LDLRAD3: variants seen among roughly 807,000 people sequenced by gnomAD.
LDLRAD3 encodes low density lipoprotein receptor class A domain containing 3.
Under a neutral mutation model 29.4 loss-of-function variants are expected in LDLRAD3, and 20 were observed. The ratio of observed to expected loss-of-function variants is 0.68; its 90% confidence interval spans 0.48 to 0.99. The LOEUF (loss-of-function observed/expected upper bound fraction) is 0.99, where lower values mean the gene tolerates loss of function less well. LDLRAD3 is among the 50% of genes least tolerant of loss of function. The probability of loss-of-function intolerance (pLI) is 0.00; values close to 1 mark genes in which losing one functional copy is unlikely to be tolerated. For missense variants in LDLRAD3, 420 were observed against 454.3 expected, an observed-to-expected ratio of 0.92 and a Z score of 0.69; for synonymous variants, 157 against 192.7, an observed-to-expected ratio of 0.81 and a Z score of 1.53.
At chr11:35,955,924 C>T (rs1328290131) in intron 1 of LDLRAD3, among the ~76,000 whole-genome samples, 1 of 152,174 alleles carries the variant, frequency 6.6e-6, no homozygotes, top group South Asian at 2.1e-4. Context: ...AGGGGCCTTT[C>T]CTACACACCT....
chr11:35,976,301 T>G (rs1454979721), intron 1 of LDLRAD3, among the ~76,000 whole-genome samples: 3 of 151,986 alleles, frequency 2.0e-5, no homozygotes, highest in Non-Finnish European at 2.9e-5. Context: ...ACAGGCATAG[T>G]TGTAGGGATT....
intron 1 of LDLRAD3, among the ~76,000 whole-genome samples, chr11:35,957,218 G>A (rs1440346931): frequency 1.3e-5 from 2 of 152,136 alleles, no homozygotes; most frequent in East Asian, 3.8e-4. Flanking sequence ...GATCATACGT[G>A]GAATATAATT....
intron 4 of LDLRAD3, among the ~76,000 whole-genome samples, chr11:36,123,598 A>C (rs1219218095): frequency 3.3e-5 from 5 of 152,274 alleles, no homozygotes; most frequent in African/African-American, 4.8e-5. Flanking sequence ...GAGAGGCTGC[A>C]AGGTGGCATG....
At chr11:36,056,057 A>G (rs1242501522) in intron 2 of LDLRAD3, among the ~76,000 whole-genome samples, 1 of 134,376 alleles carries the variant, frequency 7.4e-6, no homozygotes, top group Non-Finnish European at 1.5e-5. Flanking sequence ...GTGCAGTGGC[A>G]TGATCTCAGC....
chr11:35,950,288 G>A (rs981240320), intron 1 of LDLRAD3, among the ~76,000 whole-genome samples: 6 of 152,296 alleles, frequency 3.9e-5, no homozygotes, highest in African/African-American at 9.6e-5. Context: ...TGGGTACTGC[G>A]TCTTCAGGGA....
At position 36,021,500 on chromosome 11, in the gene LDLRAD3, A is replaced by G. The variant is rs112868901; in HGVS notation, c.47-14603A>G. ...GATCCAAAGCAGCAGAATTGTGCCT[A>G]AGGAAGAGATGGAAAATTAACGTTT... On this transcript the variant is annotated intron_variant, in intron 1 of 5. Transcript: ENST00000315571. Among the ~76,000 whole-genome samples, 160 of 152,332 alleles carry G rather than the reference A, an allele frequency of 1.1e-3. 1 individual carries two copies. The highest frequency in any genetic ancestry group is 3.5e-3 in the African/African-American group (147 of 41,574).
intron 1 of LDLRAD3, among the ~76,000 whole-genome samples, chr11:35,975,207 T>C (rs983517984): frequency 1.7e-4 from 26 of 152,206 alleles, no homozygotes; most frequent in Admixed American, 6.5e-5. Context: ...CCTGTTTCCA[T>C]ACATTTGGCC....
chr11:36,165,644 G>GTTCC, intron 4 of LDLRAD3, among the ~76,000 whole-genome samples: 1 of 152,044 alleles, frequency 6.6e-6, no homozygotes, highest in East Asian at 1.9e-4. Flanking sequence ...GTCCTGCTGT[G>GTTCC]TTTTGCATAG....
At chr11:36,109,730 A>G (rs145907063) in intron 4 of LDLRAD3, among the ~76,000 whole-genome samples, 1 of 147,452 alleles carries the variant, frequency 6.8e-6, no homozygotes, top group African/African-American at 2.5e-5. Flanking sequence ...AGTTTTCCAA[A>G]TATGGATGGA....
chr11:35,950,899 T>C (rs545416990), intron 1 of LDLRAD3, among the ~76,000 whole-genome samples: 54 of 152,176 alleles, frequency 3.5e-4, no homozygotes, highest in African/African-American at 1.1e-3. Flanking sequence ...CTGGCTAACA[T>C]GGTGAAACCC....
chr11:36,043,717 G>A (rs568288301), intron 2 of LDLRAD3, among the ~76,000 whole-genome samples: 2 of 152,184 alleles, frequency 1.3e-5, no homozygotes, highest in African/African-American at 2.4e-5. Flanking sequence ...TGGCTTTCTC[G>A]TATGAGTGAG....
chr11:36,229,136 G>GC, intron 5 of LDLRAD3, 24 bp from the exon 6 acceptor site: 1 of 1,516,396 alleles, frequency 6.6e-7, no homozygotes, highest in East Asian at 2.3e-5. Context: ...CATTGCCCCT[G>GC]CCCCCCTGCT....
chr11:36,104,217 A>C (rs1853493074), intron 4 of LDLRAD3, among the ~76,000 whole-genome samples: 1 of 152,136 alleles, frequency 6.6e-6, no homozygotes, highest in Admixed American at 6.5e-5. Flanking sequence ...AACCTAAGCT[A>C]GCGGGGAACC....
At chr11:35,951,724 A>T (rs941191103) in intron 1 of LDLRAD3, among the ~76,000 whole-genome samples, 1 of 152,208 alleles carries the variant, frequency 6.6e-6, no homozygotes, top group African/African-American at 2.4e-5. Flanking sequence ...TTTCATTTCA[A>T]TGCCACATTT....
intron 3 of LDLRAD3, among the ~76,000 whole-genome samples, chr11:36,092,880 A>G (rs1853304162): frequency 6.6e-6 from 1 of 152,066 alleles, no homozygotes; most frequent in African/African-American, 2.4e-5. Flanking sequence ...GTTGGGAGGC[A>G]TTTTTCTGTG....
At chr11:36,095,099 T>C (rs1198970192) in intron 3 of LDLRAD3, among the ~76,000 whole-genome samples, 3 of 152,298 alleles carry the variant, frequency 2.0e-5, no homozygotes, top group Non-Finnish European at 1.5e-5. Flanking sequence ...GGTGGGAGGA[T>C]TGCTTGAGCC....
At chr11:36,124,693 T>C (rs542770634) in intron 4 of LDLRAD3, among the ~76,000 whole-genome samples, 64 of 151,372 alleles carry the variant, frequency 4.2e-4, no homozygotes, top group African/African-American at 1.5e-3. Context: ...TTCCTTTCTT[T>C]TTTTTTTTTT....
At chr11:36,166,639 C>G (rs916249818) in intron 4 of LDLRAD3, among the ~76,000 whole-genome samples, 1 of 152,060 alleles carries the variant, frequency 6.6e-6, no homozygotes, top group Non-Finnish European at 1.5e-5. Context: ...CCTCTTTGAC[C>G]CTTTACTTTA....
intron 4 of LDLRAD3, among the ~76,000 whole-genome samples, chr11:36,109,477 G>A (rs1022765425): frequency 6.6e-6 from 1 of 152,156 alleles, no homozygotes; most frequent in African/African-American, 2.4e-5. Context: ...TCACCATGGG[G>A]ATACTAATTT....
Sources: gnomAD v4.1 joint callset for allele counts (sites outside exome capture counted in the v4.1 genomes callset) on GRCh38, gnomAD v4.1.1 for gene constraint, MANE v1.5 for transcripts, NCBI Gene and HGNC (gene_info 2026-07-23, HGNC 2026-07-21) for gene names.